The following DESI1 variants were observed in gnomAD, a reference collection of about 807,000 sequenced individuals.
The protein encoded by DESI1 is PPPDE peptidase domain containing 2.
In DESI1, 17 loss-of-function variants were observed where a neutral mutation model predicts 22.4. The observed-to-expected ratio is 0.76, with a 90% confidence interval of 0.52 to 1.14. The LOEUF is 1.14. Among genes scored for constraint, DESI1 ranks in the 50% most tolerant of loss-of-function variants. The pLI is 0.00. For missense variants in DESI1, 177 were observed against 208.9 expected, an observed-to-expected ratio of 0.85 and a Z score of 0.94; for synonymous variants, 92 against 84.2, an observed-to-expected ratio of 1.09 and a Z score of -0.51.
chr22:41,618,510 C>T (rs907040005), intron 1 of DESI1, among the ~76,000 whole-genome samples: 3 of 152,146 alleles, frequency 2.0e-5, no homozygotes, highest in African/African-American at 4.8e-5. Flanking sequence ...TGGCAAAGAA[C>T]ATCTTTGTTC....
intron 1 of DESI1, among the ~76,000 whole-genome samples, chr22:41,615,582 AAT>A (rs1202000191): frequency 6.6e-6 from 1 of 152,274 alleles, no homozygotes; most frequent in Non-Finnish European, 1.5e-5. Flanking sequence ...AACAAAGCAC[AAT>A]AGATGGCATT....
chr22:41,606,917 A>G (rs926701846), intron 3 of DESI1, among the ~76,000 whole-genome samples: 1 of 151,498 alleles, frequency 6.6e-6, no homozygotes, highest in Non-Finnish European at 1.5e-5. Context: ...AGCCCTCATC[A>G]TTCAGCTTAA....
Position 41,601,213 on chromosome 22 carries a change from GA to G in DESI1, c.414-24del, listed in dbSNP as rs113584423. 9.7e-3 allele frequency: 15,454 copies of G among 1,594,562 alleles called. 1,218 individuals are homozygous for G. In the African/African-American group the frequency reaches 0.18, roughly 18 times the overall value. ...GGCCTGCAAGGAAACAGAGACATGA[GA>G]GGGGTGGGCTCTGGGATGTGGCCTG... On this transcript the variant is annotated intron_variant, in intron 5 of 5. Coordinates refer to ENST00000263256, the MANE Select transcript of DESI1 (RefSeq NM_015704.3).
At chr22:41,605,451 C>T (rs1371164999) in intron 3 of DESI1, among the ~76,000 whole-genome samples, 1 of 152,202 alleles carries the variant, frequency 6.6e-6, no homozygotes, top group African/African-American at 2.4e-5. Flanking sequence ...CAGAACAGAG[C>T]TCCCTGAAAA....
Position 41,600,872 on chromosome 22 carries a change from A to G in DESI1, c.*225T>C, listed in dbSNP as rs2067445756. 3 of 510,020 alleles carry G rather than the reference A, an allele frequency of 5.9e-6. No homozygotes were observed. The highest frequency in any genetic ancestry group is 6.8e-5 in the Admixed American group (2 of 29,284). The allele number at this position is 510,020 out of a possible 1,614,324, so 31.6% of individuals were successfully genotyped here. A position where few individuals can be genotyped will look rare whatever the true frequency, so the allele number is the denominator to read the frequency against. ...TCCGAAGTGAACGCACAGACAAGACAGCCTTAATAAATTAGTATAATACTA... is the reference window on the plus strand; with the variant it reads ...TCCGAAGTGAACGCACAGACAAGACGGCCTTAATAAATTAGTATAATACTA... On this transcript the variant is annotated 3_prime_UTR_variant, in exon 6 of 6. Coordinates refer to ENST00000263256, the MANE Select transcript of DESI1 (RefSeq NM_015704.3).
At chr22:41,602,105 C>G (rs1012802410) in intron 5 of DESI1, 2 of 633,254 alleles carry the variant, frequency 3.2e-6, no homozygotes, top group Non-Finnish European at 3.9e-6. Flanking sequence ...TCCATGATTA[C>G]GACAACCATA....
chr22:41,618,462 T>G (rs1460573058), intron 1 of DESI1, among the ~76,000 whole-genome samples: 1 of 152,232 alleles, frequency 6.6e-6, no homozygotes, highest in East Asian at 1.9e-4. Flanking sequence ...TATTTATGTA[T>G]TTATTTTTAA....
chr22:41,607,830 C>T lies in DESI1; in HGVS notation c.110+10G>A, dbSNP rs769297078. ...AAACTAGTCAAAGTAAGGAGACCCA[C>T]CCAACTTACCAGATGCCTTCCAGTT... On this transcript the variant is annotated intron_variant, in intron 2 of 5. Coordinates refer to ENST00000263256, the MANE Select transcript of DESI1 (RefSeq NM_015704.3). The T allele has an allele frequency of 3.1e-6, 5 of 1,614,210 alleles. No homozygotes were observed. The highest frequency in any genetic ancestry group is 1.1e-5 in the South Asian group (1 of 91,084).
rs1014612989 is a variant in DESI1, at chr22:41,610,258, A to T, written c.89-2397T>A. Among the ~76,000 whole-genome samples the T allele has an allele frequency of 2.6e-5, 4 of 151,600 alleles. No individual in the cohort carries two copies. The East Asian group carries it at 7.8e-4, about 30-fold the overall frequency. On this transcript the variant is annotated intron_variant, in intron 1 of 5. Transcript: ENST00000263256. ...GCTGGGCATGGTGGCAGGCACCTGT[A>T]ATCCCAGCTACTCGGGAAGCTGAGG...
intron 1 of DESI1, among the ~76,000 whole-genome samples, chr22:41,610,361 A>G (rs915896725): frequency 9.2e-5 from 14 of 151,656 alleles, no homozygotes; most frequent in Non-Finnish European, 5.9e-5. Context: ...CAGCCTGGGC[A>G]ACAGGGTGAG....
Position 41,603,186 on chromosome 22 carries a change from G to C in DESI1, c.413+73C>G, listed in dbSNP as rs560229631. On this transcript the variant is annotated intron_variant, in intron 5 of 5. Coordinates refer to ENST00000263256, the MANE Select transcript of DESI1 (RefSeq NM_015704.3). ...GTTGGGAGGGCAGATGGGGGCCAGA[G>C]GAAGGGCACTGACCGTGAATGGGGA... is the stretch of plus-strand genomic sequence containing the variant. The C allele has an allele frequency of 2.3e-4, 371 of 1,607,288 alleles. 2 individuals are homozygous for C. In the Admixed American group the frequency reaches 6.1e-3, roughly 26 times the overall value.
intron 1 of DESI1, among the ~76,000 whole-genome samples, chr22:41,613,911 T>C (rs977877938): frequency 2.6e-5 from 4 of 152,306 alleles, no homozygotes; most frequent in Middle Eastern, 3.4e-3. Context: ...CTTTGTATCA[T>C]CACTGAATTT....
chr22:41,620,377 G>T (rs1165665638), intron 1 of DESI1, among the ~76,000 whole-genome samples: 1 of 152,050 alleles, frequency 6.6e-6, no homozygotes, highest in African/African-American at 2.4e-5. Flanking sequence ...TTCCTACACC[G>T]CGCCAAGGAG....
At chr22:41,604,331 C>T (rs956294212) in intron 3 of DESI1, 178 bp from the exon 4 acceptor site, 36 of 481,218 alleles carry the variant, frequency 7.5e-5, no homozygotes, top group African/African-American at 2.2e-4. Flanking sequence ...CTGCAACCTC[C>T]GCCTCCCGGG....
At chr22:41,616,151 G>A (rs1312007652) in intron 1 of DESI1, among the ~76,000 whole-genome samples, 2 of 152,132 alleles carry the variant, frequency 1.3e-5, no homozygotes, top group Admixed American at 6.5e-5. Context: ...GCTGAGGCAG[G>A]AGAACTGCCT....
chr22:41,604,942 C>T (rs1340638466), intron 3 of DESI1, among the ~76,000 whole-genome samples: 1 of 151,980 alleles, frequency 6.6e-6, no homozygotes, highest in Non-Finnish European at 1.5e-5. Context: ...AGGGGGGGCC[C>T]TGGGAAGCTG....
At chr22:41,612,863 C>G (rs932480039) in intron 1 of DESI1, among the ~76,000 whole-genome samples, 1 of 151,866 alleles carries the variant, frequency 6.6e-6, no homozygotes, top group African/African-American at 2.4e-5. Context: ...CCACCAGGCC[C>G]AGCTTTGAGC....
intron 1 of DESI1, among the ~76,000 whole-genome samples, chr22:41,620,437 C>T (rs2067580043): frequency 6.6e-6 from 1 of 152,178 alleles, no homozygotes; most frequent in African/African-American, 2.4e-5. Context: ...CGCCGGGATC[C>T]AGCGCTGGTT....
chr22:41,602,432 C>G, intron 5 of DESI1: 4 of 985,446 alleles, frequency 4.1e-6, no homozygotes, highest in Non-Finnish European at 4.8e-6. Flanking sequence ...ACCAGCCTGC[C>G]ACAGCAGTCT....
Sources: gnomAD v4.1 joint callset for allele counts (sites outside exome capture counted in the v4.1 genomes callset) on GRCh38, gnomAD v4.1.1 for gene constraint, MANE v1.5 for transcripts, NCBI Gene and HGNC (gene_info 2026-07-23, HGNC 2026-07-21) for gene names.